Variants in CATSPERB observed in about 807,000 individuals in gnomAD.
The protein encoded by CATSPERB is catsper channel auxiliary subunit beta.
In CATSPERB, 93 loss-of-function variants were observed where a neutral mutation model predicts 128.3. The observed-to-expected ratio is 0.72, with a 90% CI of 0.61 to 0.86. The LOEUF (loss-of-function observed/expected upper bound fraction) is 0.86, where lower values mean the gene tolerates loss of function less well. Ranked by LOEUF, CATSPERB falls within the 40% of genes least tolerant of loss-of-function variation. The pLI is 0.00. For missense variants in CATSPERB, 1,153 were observed against 1,329.5 expected (o/e 0.87, Z 2.06); for synonymous variants, 381 against 448.8 (o/e 0.85, Z 1.91).
intron 15 of CATSPERB, among the ~76,000 whole-genome samples, chr14:91,657,286 C>G (rs1401920496): frequency 6.6e-6 from 1 of 152,044 alleles, no homozygotes; most frequent in East Asian, 1.9e-4. Context: ...GTTAGGCCAT[C>G]CATATCCATA....
intron 17 of CATSPERB, among the ~76,000 whole-genome samples, chr14:91,627,006 A>G (rs1894176347): frequency 6.6e-6 from 1 of 152,254 alleles, no homozygotes; most frequent in African/African-American, 2.4e-5. Context: ...TAAACAAAAT[A>G]TACCAAAAAT....
In CATSPERB at chr14:91,603,409, G is replaced by A. The variant is rs930853285; in HGVS notation, c.2709+4885C>T. On this transcript the variant is annotated intron_variant, in intron 22 of 26. Transcript: ENST00000256343. ...TCAATATTAAAGGTATAAGCAGCAC[G>A]TCCTCATCCTTTATTCCCAGCCATC... The A allele has an allele frequency of 1.9e-5, 30 of 1,605,370 alleles. No homozygotes were observed. The South Asian group carries it at 2.3e-4, about 12-fold the overall frequency.
intron 26 of CATSPERB, among the ~76,000 whole-genome samples, chr14:91,585,960 C>CA (rs1893290182): frequency 6.6e-6 from 1 of 152,222 alleles, no homozygotes; most frequent in South Asian, 2.1e-4. Flanking sequence ...AGTTATGCCT[C>CA]ACCTTCTGTG....
At chr14:91,614,173 G>A (rs1458624037) in intron 20 of CATSPERB, among the ~76,000 whole-genome samples, 1 of 152,176 alleles carries the variant, frequency 6.6e-6, no homozygotes, top group Non-Finnish European at 1.5e-5. Context: ...ACAACCATGT[G>A]AAGTAGGTAT....
intron 15 of CATSPERB, among the ~76,000 whole-genome samples, chr14:91,640,821 C>T (rs1490389255): frequency 7.3e-6 from 1 of 137,646 alleles, no homozygotes; most frequent in Non-Finnish European, 1.6e-5. Context: ...AATCGCCACA[C>T]TGACTTCCAC....
rs374865750 is a variant in CATSPERB at position 91,685,232 on chromosome 14, C to T, written c.865-1289G>A. Among the ~76,000 whole-genome samples the T allele has an allele frequency of 3.9e-4, 60 of 152,234 alleles. 1 individual carries two copies. The highest frequency in any genetic ancestry group is 1.9e-4 in the East Asian group (1 of 5,182). On this transcript the variant is annotated intron_variant, in intron 10 of 26. Transcript: ENST00000256343. ...ATGAGCCACTATGACTGGCCGCCAA[C>T]GAATTTTTTTAAGTATCTACATTGT...
chr14:91,587,323 T>C, intron 25 of CATSPERB, 47 bp from the exon 26 acceptor site: 1 of 1,371,848 alleles, frequency 7.3e-7, no homozygotes, highest in Middle Eastern at 1.8e-4. Context: ...AACATGTACA[T>C]TCCTTTAAGT....
At chr14:91,593,525 G>T (rs1027354496) in intron 22 of CATSPERB, among the ~76,000 whole-genome samples, 2 of 152,314 alleles carry the variant, frequency 1.3e-5, no homozygotes, top group African/African-American at 4.8e-5. Flanking sequence ...TTTTGGACCT[G>T]CATGGATCCT....
At chr14:91,593,795 G>A (rs1483754030) in intron 22 of CATSPERB, among the ~76,000 whole-genome samples, 1 of 152,160 alleles carries the variant, frequency 6.6e-6, no homozygotes. Context: ...GGAGGGGCCA[G>A]GGGCAGAATG....
At chr14:91,667,682 G>A (rs1244529159) in intron 14 of CATSPERB, among the ~76,000 whole-genome samples, 2 of 152,214 alleles carry the variant, frequency 1.3e-5, no homozygotes, top group African/African-American at 4.8e-5. Flanking sequence ...TCACTGCTGA[G>A]AAAGGAGGAC....
intron 14 of CATSPERB, among the ~76,000 whole-genome samples, chr14:91,665,502 A>G (rs1894968068): frequency 6.6e-6 from 1 of 152,234 alleles, no homozygotes; most frequent in African/African-American, 2.4e-5. Flanking sequence ...AAACCTGGAC[A>G]CCACCAAATG....
chr14:91,660,076 A>C, intron 14 of CATSPERB, 95 bp from the exon 15 acceptor site: 1 of 981,178 alleles, frequency 1.0e-6, no homozygotes, highest in Non-Finnish European at 1.5e-6. Flanking sequence ...ATGTGGCATG[A>C]TCTTTTCCAT....
chr14:91,704,618 C>T lies in CATSPERB; in HGVS notation c.550G>A (p.Val184Met), dbSNP rs77507789. 952 of 1,613,808 alleles carry T rather than the reference C, an allele frequency of 5.9e-4. 7 individuals carry two copies. The African/African-American group carries it at 0.011, about 19-fold the overall frequency. ...KLYPHVVDLK[V>M]TKCPCANDVA... ...TCATTGGCACAGGGGCATTTTGTCA[C>T]TTTGAGATCTACCACATGTGGATAT... is the stretch of plus-strand genomic sequence containing the variant. The change falls in exon 7 of 27, where the codon GTG (valine) becomes ATG (methionine). Residue 184 changes from valine (V) to methionine (M), a missense_variant. Coordinates refer to ENST00000256343, the MANE Select transcript of CATSPERB (RefSeq NM_024764.4).
intron 5 of CATSPERB, among the ~76,000 whole-genome samples, chr14:91,716,738 C>G (rs1566739683): frequency 6.6e-6 from 1 of 151,796 alleles, no homozygotes. Flanking sequence ...CACACACACA[C>G]ACACACACAC....
At chr14:91,722,322 TGTG>T (rs1896048889) in intron 4 of CATSPERB, among the ~76,000 whole-genome samples, 1 of 152,120 alleles carries the variant, frequency 6.6e-6, no homozygotes, top group Non-Finnish European at 1.5e-5. Context: ...ATAAACAAAA[TGTG>T]GTATTTATAC....
In CATSPERB at chr14:91,631,385, C is replaced by T. The variant is rs538017940; in HGVS notation, c.1742+5040G>A. On this transcript the variant is annotated intron_variant, in intron 17 of 26. Coordinates refer to ENST00000256343, the MANE Select transcript of CATSPERB (RefSeq NM_024764.4). ...TTAAGATTTTGTGAAGATTCAGGGC[C>T]GGGTGCAATGGCTCATGCCTGTAAT... is the stretch of plus-strand genomic sequence containing the variant. 2.0e-4 allele frequency among the ~76,000 whole-genome samples: 30 copies of T among 152,246 alleles called. No homozygotes were observed. In the East Asian group the frequency reaches 5.0e-3, roughly 25 times the overall value.
intron 23 of CATSPERB, among the ~76,000 whole-genome samples, chr14:91,591,042 A>G (rs945542724): frequency 6.6e-6 from 1 of 151,964 alleles, no homozygotes; most frequent in Non-Finnish European, 1.5e-5. Context: ...TTTGAAAGAT[A>G]TACCAACTGC....
At chr14:91,728,818 A>G (rs949604713) in intron 2 of CATSPERB, among the ~76,000 whole-genome samples, 16 of 152,184 alleles carry the variant, frequency 1.1e-4, no homozygotes, top group Non-Finnish European at 2.1e-4. Flanking sequence ...ACTACCATAA[A>G]AATCCACTGT....
chr14:91,621,896 C>T lies in CATSPERB; in HGVS notation c.1972G>A (p.Val658Ile). The change falls in exon 19 of 27, where the codon GTA becomes ATA. Residue 658 changes from valine (V) to isoleucine (I), a missense_variant. By Grantham distance (29) the Val-to-Ile change is conservative (BLOSUM62 3). Transcript: ENST00000256343. ...LFEDTDIEKT[V>I]VLPGYSSFLI... ...AAGCTGCTGTACCCGGGAAGCACTA[C>T]AGTCTTCTCTATATCTGTATCTTCA... 1.9e-6 allele frequency: 3 copies of T among 1,612,932 alleles called. No homozygotes were observed. Among genetic ancestry groups the T allele is most frequent in the African/African-American group, 1.3e-5 (1 of 75,004 alleles).
Sources: allele counts gnomAD v4.1 joint callset (sites outside exome capture counted in the v4.1 genomes callset), GRCh38; gene constraint gnomAD v4.1.1; transcripts MANE v1.5; gene names NCBI Gene and HGNC (gene_info 2026-07-23, HGNC 2026-07-21).